SCHIP1: variants seen among roughly 807,000 people sequenced by gnomAD.
SCHIP1 encodes schwannomin interacting protein 1, also known as schwannomin-interacting protein 1.
SCHIP1 carries 8 observed loss-of-function variants against 29.7 expected under a neutral mutation model. That is an observed-to-expected ratio of 0.27 (90% CI 0.16 to 0.49). The LOEUF is 0.49. SCHIP1 is among the 20% of genes least tolerant of loss of function. SCHIP1 has a pLI of 0.99. For synonymous variants in SCHIP1, 76 were observed against 94.9 expected (o/e 0.80, Z 1.16); for missense variants, 193 against 294.6 (o/e 0.66, Z 2.52).
the SCHIP1 span, among the ~76,000 whole-genome samples, chr3:159,421,476 A>G: frequency 6.6e-6 from 1 of 152,328 alleles, no homozygotes; most frequent in South Asian, 2.1e-4. Context: ...TCTTTACTCT[A>G]GGAATCTATG....
chr3:159,441,120 G>C, the SCHIP1 span, among the ~76,000 whole-genome samples: 1 of 152,172 alleles, frequency 6.6e-6, no homozygotes, highest in South Asian at 2.1e-4. Context: ...CAAAAGAGAG[G>C]CCTTGAAACA....
chr3:159,458,951 A>G, the SCHIP1 span, among the ~76,000 whole-genome samples: 1 of 152,206 alleles, frequency 6.6e-6, no homozygotes, highest in Non-Finnish European at 1.5e-5. Flanking sequence ...GCAGTTTAAC[A>G]TGCATCTTCA....
chr3:159,689,537 T>C, the SCHIP1 span, among the ~76,000 whole-genome samples: 7 of 152,224 alleles, frequency 4.6e-5, no homozygotes, highest in Non-Finnish European at 8.8e-5. Flanking sequence ...AATCATGTCA[T>C]CTGCAAACAG....
At chr3:159,463,398 A>G in the SCHIP1 span, among the ~76,000 whole-genome samples, 2 of 152,102 alleles carry the variant, frequency 1.3e-5, no homozygotes, top group East Asian at 1.9e-4. Context: ...CACAGCCACA[A>G]TGATAGATGT....
At chr3:159,344,009 CT>C in the SCHIP1 span, among the ~76,000 whole-genome samples, 157 of 152,240 alleles carry the variant, frequency 1.0e-3, 4 homozygotes, top group East Asian at 0.026. Flanking sequence ...AGATAGGTTA[CT>C]TAGTAACAAA....
At chr3:159,728,823 G>A in the SCHIP1 span, among the ~76,000 whole-genome samples, 1 of 152,180 alleles carries the variant, frequency 6.6e-6, no homozygotes, top group Non-Finnish European at 1.5e-5. Context: ...CAGGCCAGGG[G>A]GTTTTGAAGC....
At chr3:159,826,187 G>A in the SCHIP1 span, among the ~76,000 whole-genome samples, 8 of 152,246 alleles carry the variant, frequency 5.3e-5, no homozygotes, top group East Asian at 1.3e-3. Context: ...GTTTAATGGA[G>A]GGCAAGCCCT....
At chr3:159,299,115 C>T in the SCHIP1 span, among the ~76,000 whole-genome samples, 1 of 152,176 alleles carries the variant, frequency 6.6e-6, no homozygotes, top group Non-Finnish European at 1.5e-5. Context: ...ACAGAAAGAG[C>T]ATTAAATCAT....
the SCHIP1 span, among the ~76,000 whole-genome samples, chr3:159,384,471 G>T: frequency 7.1e-6 from 1 of 141,552 alleles, no homozygotes; most frequent in Non-Finnish European, 1.5e-5. Context: ...ACTTGATCAT[G>T]GTGGATAAGC....
At chr3:159,328,714 G>A in the SCHIP1 span, among the ~76,000 whole-genome samples, 2 of 152,204 alleles carry the variant, frequency 1.3e-5, no homozygotes, top group East Asian at 3.9e-4. Context: ...CTGGGTGTTT[G>A]GGCACCACAC....
At chr3:159,319,279 A>C in the SCHIP1 span, among the ~76,000 whole-genome samples, 1 of 152,234 alleles carries the variant, frequency 6.6e-6, no homozygotes, top group African/African-American at 2.4e-5. Context: ...AGATATGGAC[A>C]CTTCTCTGGA....
At chr3:159,663,445 T>C in the SCHIP1 span, among the ~76,000 whole-genome samples, 2 of 152,118 alleles carry the variant, frequency 1.3e-5, no homozygotes, top group Admixed American at 1.3e-4. Context: ...AGGAAACACA[T>C]CCTGCACCTG....
the SCHIP1 span, among the ~76,000 whole-genome samples, chr3:159,677,528 A>C: frequency 2.0e-5 from 3 of 152,282 alleles, no homozygotes; most frequent in East Asian, 5.8e-4. Context: ...ATTTAAACCT[A>C]ATCTTCCAGG....
chr3:159,817,724 G>A, the SCHIP1 span, among the ~76,000 whole-genome samples: 1 of 152,180 alleles, frequency 6.6e-6, no homozygotes, highest in Non-Finnish European at 1.5e-5. Context: ...GAGAAGGAAT[G>A]GAGTGTAACC....
the SCHIP1 span, among the ~76,000 whole-genome samples, chr3:159,645,995 G>A: frequency 6.6e-6 from 1 of 152,116 alleles, no homozygotes; most frequent in Non-Finnish European, 1.5e-5. Context: ...AACATATTGT[G>A]AGTCAAGATG....
the SCHIP1 span, among the ~76,000 whole-genome samples, chr3:159,611,923 A>G: frequency 6.6e-6 from 1 of 151,932 alleles, no homozygotes; most frequent in African/African-American, 2.4e-5. Context: ...GTATTTCTCA[A>G]TCTCCCTCTC....
the SCHIP1 span, among the ~76,000 whole-genome samples, chr3:159,657,610 T>G: frequency 6.6e-6 from 1 of 152,342 alleles, no homozygotes; most frequent in Admixed American, 6.5e-5. Context: ...TAAATGTCAT[T>G]TAACTCTTGA....
At chr3:159,570,202 T>A in the SCHIP1 span, among the ~76,000 whole-genome samples, 57 of 152,318 alleles carry the variant, frequency 3.7e-4, no homozygotes, top group African/African-American at 1.2e-3. Context: ...GGTGTTTTAG[T>A]CCTGAAGTCC....
chr3:159,875,403 G>A (rs1475504759), intron 2 of SCHIP1, among the ~76,000 whole-genome samples: 1 of 152,136 alleles, frequency 6.6e-6, no homozygotes, highest in Admixed American at 6.5e-5. Flanking sequence ...AATTGCCTGA[G>A]CTATTGCAAA....
Sources: allele counts gnomAD v4.1 joint callset (sites outside exome capture counted in the v4.1 genomes callset), GRCh38; gene constraint gnomAD v4.1.1; transcripts MANE v1.5; gene names NCBI Gene and HGNC (gene_info 2026-07-23, HGNC 2026-07-21).